Variants in RGR observed in about 807,000 individuals in gnomAD.
RGR encodes the protein retinal G protein coupled receptor, also known as RPE-retinal G protein-coupled receptor.
RGR carries 30 observed loss-of-function variants against 28.6 expected under a neutral mutation model. The observed-to-expected ratio is 1.05, with a 90% CI of 0.78 to 1.42. RGR has a LOEUF of 1.42. RGR is among the 40% of genes most tolerant of loss of function. The pLI is 0.00. For synonymous variants in RGR, 180 were observed against 156.4 expected, an observed-to-expected ratio of 1.15 and a Z score of -1.13; for missense variants, 404 against 375.6, an observed-to-expected ratio of 1.08 and a Z score of -0.62.
intron 3 of RGR, among the ~76,000 whole-genome samples, chr10:84,251,798 G>A (rs2132882668): frequency 6.6e-6 from 1 of 152,248 alleles, no homozygotes; most frequent in Non-Finnish European, 1.5e-5. Flanking sequence ...ACCTCCAAAT[G>A]CCATCACATT....
rs561578578 is a variant in RGR at position 84,259,703 on chromosome 10, G to A, written c.*1064G>A. On this transcript the variant is annotated 3_prime_UTR_variant, in exon 7 of 7. Transcript: ENST00000652092. ...GTGTATGTATTCTTTTTGAAAAAAT[G>A]TTTATTCATGTCTTTTGCCCACTTT... 1 of 152,028 alleles carries A rather than the reference G, an allele frequency of 6.6e-6. No homozygotes were observed. Among genetic ancestry groups the A allele is most frequent in the East Asian group, 1.9e-4 (1 of 5,176 alleles). The allele number at this position is 152,028 out of a possible 1,614,324, so 9.4% of individuals were successfully genotyped here.
At position 84,254,375 on chromosome 10, in the gene RGR, C is replaced by G; in HGVS notation, c.562C>G (p.Pro188Ala). ...FTMSFFNFAMPLFITITSYSL... is the reference protein window; with the variant it reads ...FTMSFFNFAMALFITITSYSL... ...CATGTCCTTCTTCAACTTCGCCATG[C>G]CCCTCTTCATCACGATCACTTCCTA... Residue 188 changes from proline to alanine, a missense_variant, in exon 5 of 7, where the codon CCC becomes GCC. Transcript: ENST00000652092. 1 of 1,614,176 alleles carries G rather than the reference C, an allele frequency of 6.2e-7. No individual in the cohort carries two copies. The highest frequency in any genetic ancestry group is 1.1e-5 in the South Asian group (1 of 91,078).
In RGR at chr10:84,259,061, A is replaced by G. The variant is rs1210365771; in HGVS notation, c.*422A>G. 7.3e-6 allele frequency: 2 copies of G among 272,172 alleles called. No individual in the cohort carries two copies. Among genetic ancestry groups the G allele is most frequent in the African/African-American group, 4.4e-5 (2 of 45,608 alleles). 16.9% of individuals were successfully genotyped at this position (272,172 alleles called of 1,614,324 possible). The stretch of plus-strand genomic sequence containing the variant: ...TCACCCTTCTGAGTCTCCAATGTCT[A>G]TTATTCCACACTCCATGTCCACGTG... On this transcript the variant is annotated 3_prime_UTR_variant, in exon 7 of 7. Coordinates refer to ENST00000652092, the MANE Select transcript of RGR (RefSeq NM_001012720.2).
At position 84,249,057 on chromosome 10, in the gene RGR, C is replaced by T. The variant is rs1842783912; in HGVS notation, c.358+14C>T. ...ACTACTGCACCCGTATGTATCTGGG[C>T]TCCTGGAGTGGAGGGACACCGATGC... On this transcript the variant is annotated intron_variant, in intron 3 of 6. Coordinates refer to ENST00000652092, the MANE Select transcript of RGR (RefSeq NM_001012720.2). 2 of 1,613,610 alleles carry T rather than the reference C, an allele frequency of 1.2e-6. No individual in the cohort carries two copies.
chr10:84,247,873 G>A (rs1482170355), intron 2 of RGR, 126 bp downstream of exon 2: 33 of 1,376,944 alleles, frequency 2.4e-5, no homozygotes, highest in Non-Finnish European at 3.1e-5. Flanking sequence ...CAGAGGGTGG[G>A]CAGGCTAAAA....
intron 3 of RGR, chr10:84,250,296 A>C: frequency 1.4e-6 from 1 of 710,866 alleles, no homozygotes; most frequent in Non-Finnish European, 2.6e-6. Context: ...AATCCACAGA[A>C]CTTCCCTTGC....
At chr10:84,248,794 C>G in intron 2 of RGR, 128 bp from the exon 3 acceptor site, 3 of 1,558,766 alleles carry the variant, frequency 1.9e-6, no homozygotes, top group Non-Finnish European at 2.6e-6. Flanking sequence ...AGGAAAGACA[C>G]CAATATTAAG....
intron 3 of RGR, among the ~76,000 whole-genome samples, chr10:84,249,739 A>G (rs1842792509): frequency 6.6e-6 from 1 of 152,254 alleles, no homozygotes; most frequent in Non-Finnish European, 1.5e-5. Context: ...ATGTGTGTGT[A>G]GCTGGGCATG....
Position 84,258,513 on chromosome 10 carries a change from C to T in RGR, c.750C>T (p.Pro250=), listed in dbSNP as rs748553756. The T allele has an allele frequency of 1.4e-5, 22 of 1,614,090 alleles. No homozygotes were observed. The Middle Eastern group carries it at 4.9e-4, about 36-fold the overall frequency. The change falls in exon 7 of 7, where the codon CCC becomes CCT. Residue 250 remains proline (P), a synonymous_variant. Transcript: ENST00000652092. The part of the protein sequence containing the change: ...TSISPKLQMV[P]ALIAKMVPTI... Reference sequence around the variant, plus strand: ...GGACTTTTCTGCCACAACAGGTGCCCGCCCTCATTGCCAAAATGGTGCCCA... The same window carrying T: ...GGACTTTTCTGCCACAACAGGTGCCTGCCCTCATTGCCAAAATGGTGCCCA...
intron 3 of RGR, among the ~76,000 whole-genome samples, 182 bp downstream of exon 3, chr10:84,249,225 C>A (rs1842785914): frequency 6.6e-6 from 1 of 152,180 alleles, no homozygotes; most frequent in Non-Finnish European, 1.5e-5. Flanking sequence ...GGAGAGTGTG[C>A]AGGAGAGCTG....
Position 84,245,126 on chromosome 10 carries a change from G to A in RGR, c.36G>A (p.Gly12=), listed in dbSNP as rs1212373313. The A allele has an allele frequency of 1.2e-6, 2 of 1,613,334 alleles. No individual in the cohort carries two copies. The highest frequency in any genetic ancestry group is 1.7e-5 in the Admixed American group (1 of 59,970). The stretch of plus-strand genomic sequence containing the variant: ...CCAGTGCCCTGCCCACTGGCTTCGG[G>A]GAGCTCGAGGTGCTGGCTGTGGGGA... The part of the protein sequence containing the change: ...AETSALPTGF[G]ELEVLAVGMV... The change falls in exon 1 of 7, where the codon GGG becomes GGA. Residue 12 remains glycine (G), a synonymous_variant. Coordinates refer to ENST00000652092, the MANE Select transcript of RGR (RefSeq NM_001012720.2).
chr10:84,254,506 CGAACAAA>C, intron 5 of RGR, 63 bp downstream of exon 5: 13 of 1,354,546 alleles, frequency 9.6e-6, no homozygotes, highest in Non-Finnish European at 1.4e-5. Flanking sequence ...CTTGGTGTCC[CGAACAAA>C]GAATTGGATG....
intron 1 of RGR, among the ~76,000 whole-genome samples, chr10:84,245,924 G>T (rs1471695103): frequency 2.0e-5 from 3 of 152,150 alleles, no homozygotes; most frequent in African/African-American, 4.8e-5. Flanking sequence ...ACGCAGCTTT[G>T]GTTCAAAGCA....
At chr10:84,257,023 A>G (rs979848736) in intron 5 of RGR, among the ~76,000 whole-genome samples, 1 of 152,176 alleles carries the variant, frequency 6.6e-6, no homozygotes, top group African/African-American at 2.4e-5. Context: ...AAGAGGAAAA[A>G]AAAAGTCTCT....
rs1842835809 is a variant in RGR, at chr10:84,252,857, G to A, written c.359G>A (p.Arg120His). The change falls in exon 4 of 7, where the codon CGT (arginine) becomes CAT (histidine). Residue 120 changes from arginine to histidine, a missense_variant and splice_region_variant. Arg to His is a conservative substitution (Grantham distance 29, BLOSUM62 0). Coordinates refer to ENST00000652092, the MANE Select transcript of RGR (RefSeq NM_001012720.2). ...AWGRYHHYCT[R>H]SQLAWNSAVS... ...CCTCTTCTTCCTCTGTCCTGTGCAG[G>A]TAGCCAGCTGGCCTGGAACTCAGCC... is the stretch of plus-strand genomic sequence containing the variant. 6.2e-7 allele frequency: 1 copy of A among 1,613,918 alleles called. No homozygotes were observed. The highest frequency in any genetic ancestry group is 1.1e-5 in the South Asian group (1 of 91,082).
chr10:84,250,589 C>T (rs1043801062), intron 3 of RGR: 1 of 650,376 alleles, frequency 1.5e-6, no homozygotes. Flanking sequence ...TTCTCTGCCT[C>T]AATATAGAAC....
intron 1 of RGR, 49 bp downstream of exon 1, chr10:84,245,218 G>A (rs1268745136): frequency 6.3e-7 from 1 of 1,580,512 alleles, no homozygotes; most frequent in East Asian, 2.2e-5. Flanking sequence ...TGGGTTCTGA[G>A]GACCCAGGCC....
In RGR at chr10:84,259,133, G is replaced by C. The variant is rs546408776; in HGVS notation, c.*494G>C. 4.8e-4 allele frequency: 82 copies of C among 171,414 alleles called. 2 individuals are homozygous for C. In the South Asian group the frequency reaches 0.011, roughly 23 times the overall value. 10.6% of individuals were successfully genotyped at this position (171,414 alleles called of 1,614,324 possible). A position where few individuals can be genotyped will look rare whatever the true frequency, so the allele number is the denominator to read the frequency against. ...TTACAAGTGAGAACATGTGGTATTTGACTTTCTGTTTTTGAGTTATTTCAC... is the reference window on the plus strand; with the variant it reads ...TTACAAGTGAGAACATGTGGTATTTCACTTTCTGTTTTTGAGTTATTTCAC... On this transcript the variant is annotated 3_prime_UTR_variant, in exon 7 of 7. Transcript: ENST00000652092.
chr10:84,248,228 G>C (rs1428391939), intron 2 of RGR: 7 of 1,226,616 alleles, frequency 5.7e-6, no homozygotes, highest in Non-Finnish European at 7.3e-6. Context: ...GGCTCCTGGA[G>C]TGGAGGGACA....
Sources: allele counts gnomAD v4.1 joint callset (sites outside exome capture counted in the v4.1 genomes callset), GRCh38; gene constraint gnomAD v4.1.1; transcripts MANE v1.5; gene names NCBI Gene and HGNC (gene_info 2026-07-23, HGNC 2026-07-21).